The following CCDC50 variants were observed in gnomAD, a reference collection of about 807,000 sequenced individuals.
CCDC50 encodes the protein coiled-coil domain containing 50, also known as coiled-coil domain-containing protein 50.
Under a neutral mutation model 70.2 loss-of-function variants are expected in CCDC50, and 54 were observed. That is an observed-to-expected ratio of 0.77 (90% CI 0.62 to 0.96). The LOEUF (loss-of-function observed/expected upper bound fraction) is 0.96, where lower values mean the gene tolerates loss of function less well. Among genes scored for constraint, CCDC50 ranks in the 50% least tolerant of loss-of-function variants. CCDC50 has a pLI of 0.00. For missense variants in CCDC50, 558 were observed against 578.7 expected (o/e 0.96, Z 0.37); for synonymous variants, 216 against 198.8 (o/e 1.09, Z -0.73).
chr3:191,338,355 T>C (rs1216474597), intron 1 of CCDC50, among the ~76,000 whole-genome samples: 1 of 152,170 alleles, frequency 6.6e-6, no homozygotes, highest in Non-Finnish European at 1.5e-5. Flanking sequence ...AAAGACTCTT[T>C]TTGTCTAGAT....
rs1323653435 is a variant in CCDC50, at chr3:191,392,893, A to C, written c.*1133A>C. The stretch of plus-strand genomic sequence containing the variant: ...GCTGGAATTACAGGCATGTGTCACC[A>C]CACCCGGCTAATTTTTGTATTTTTA... On this transcript the variant is annotated 3_prime_UTR_variant, in exon 12 of 12. Transcript: ENST00000392455. 1.3e-5 allele frequency: 2 copies of C among 152,226 alleles called. No individual in the cohort carries two copies. The highest frequency in any genetic ancestry group is 2.9e-5 in the Non-Finnish European group (2 of 68,108). The allele number at this position is 152,226 out of a possible 1,614,324, so 9.4% of individuals were successfully genotyped here. A position where few individuals can be genotyped will look rare whatever the true frequency, so the allele number is the denominator to read the frequency against.
intron 6 of CCDC50, among the ~76,000 whole-genome samples, chr3:191,378,459 G>T (rs952912517): frequency 6.6e-6 from 1 of 152,100 alleles, no homozygotes; most frequent in Non-Finnish European, 1.5e-5. Context: ...ACATCCCACT[G>T]TATTATTTCA....
At chr3:191,351,198 C>G (rs1016131658) in intron 1 of CCDC50, among the ~76,000 whole-genome samples, 1 of 141,860 alleles carries the variant, frequency 7.0e-6, no homozygotes, top group Non-Finnish European at 1.6e-5. Flanking sequence ...ATCTGAAATA[C>G]GTTTTATGAA....
intron 1 of CCDC50, among the ~76,000 whole-genome samples, chr3:191,334,532 C>G (rs1718082153): frequency 6.6e-6 from 1 of 152,090 alleles, no homozygotes; most frequent in South Asian, 2.1e-4. Context: ...ATGAAAATCC[C>G]AGGGTCAGGG....
At position 191,394,579 on chromosome 3, in the gene CCDC50, T is replaced by G. The variant is rs1713801310; in HGVS notation, c.*2819T>G. 1 of 152,196 alleles carries G rather than the reference T, an allele frequency of 6.6e-6. No individual in the cohort carries two copies. Among genetic ancestry groups the G allele is most frequent in the Non-Finnish European group, 1.5e-5 (1 of 68,012 alleles). The allele number at this position is 152,196 out of a possible 1,614,324, so 9.4% of individuals were successfully genotyped here. A position where few individuals can be genotyped will look rare whatever the true frequency, so the allele number is the denominator to read the frequency against. On this transcript the variant is annotated 3_prime_UTR_variant, in exon 12 of 12. Transcript: ENST00000392455. The stretch of plus-strand genomic sequence containing the variant: ...GTGATGTAAACTAATACTTCTGGCC[T>G]GGGAAAACCTTTCTGTTTCTGTATC...
chr3:191,380,077 T>A, intron 6 of CCDC50, 82 bp from the exon 7 acceptor site: 1 of 837,880 alleles, frequency 1.2e-6, no homozygotes, highest in East Asian at 2.7e-5. Context: ...TAAAGAAAAA[T>A]CTCCTTTATC....
chr3:191,375,020 A>C lies in CCDC50; in HGVS notation c.449-42A>C, dbSNP rs780103362. 59 of 1,597,954 alleles carry C rather than the reference A, an allele frequency of 3.7e-5. No homozygotes were observed. In the African/African-American group the frequency reaches 7.4e-4, roughly 20 times the overall value. ...GTGAGTTCATAACTCTCATTAAATT[A>C]ATCTGCATTTTTATTTTTCACATCC... On this transcript the variant is annotated intron_variant, in intron 5 of 11. Transcript: ENST00000392455.
chr3:191,370,338 A>G (rs1024869367), intron 5 of CCDC50: 1 of 348,152 alleles, frequency 2.9e-6, no homozygotes, highest in South Asian at 2.2e-5. Context: ...AACATTAGGT[A>G]TATCGCCTAA....
chr3:191,358,027 C>T lies in CCDC50; in HGVS notation c.142C>T (p.Arg48Trp). 1.9e-6 allele frequency: 3 copies of T among 1,613,978 alleles called. No homozygotes were observed. Among genetic ancestry groups the T allele is most frequent in the Non-Finnish European group, 2.5e-6 (3 of 1,179,882 alleles). Residue 48 changes from arginine to tryptophan, a missense_variant, in exon 3 of 12, where the codon CGG becomes TGG. Arg to Trp is a moderately radical substitution (Grantham distance 101, BLOSUM62 -3). Transcript: ENST00000392455. ...GCATCATTTGGCATCGAACGTTCAG[C>T]GGAACCGTTTGGTCCAGCATGATCT... ...IEHHLASNVQ[R>W]NRLVQHDLQV... is the part of the protein sequence containing the mutation.
At chr3:191,380,959 A>G (rs765824309) in intron 9 of CCDC50, 27 bp downstream of exon 9, 1 of 1,570,376 alleles carries the variant, frequency 6.4e-7, no homozygotes, top group Non-Finnish European at 8.7e-7. Context: ...TTGTTTTCTA[A>G]TTAGAAATAA....
intron 1 of CCDC50, among the ~76,000 whole-genome samples, chr3:191,342,802 T>C (rs1451017933): frequency 4.6e-5 from 7 of 152,358 alleles, no homozygotes; most frequent in Non-Finnish European, 8.8e-5. Context: ...TATCTGGATA[T>C]GCTTTGTGAA....
intron 1 of CCDC50, among the ~76,000 whole-genome samples, chr3:191,353,851 ATC>A (rs879488007): frequency 5.1e-5 from 5 of 98,332 alleles, no homozygotes; most frequent in Non-Finnish European, 1.3e-4. Context: ...CTTCCTCATA[ATC>A]ATTGAAAATC....
chr3:191,390,299 A>G (rs1023002238), intron 11 of CCDC50, among the ~76,000 whole-genome samples: 1 of 152,134 alleles, frequency 6.6e-6, no homozygotes, highest in Non-Finnish European at 1.5e-5. Context: ...ACTGTTATGC[A>G]AAAGAAAAAT....
intron 6 of CCDC50, 42 bp from the exon 7 acceptor site, chr3:191,380,117 C>T (rs758635697): frequency 1.6e-6 from 2 of 1,243,670 alleles, no homozygotes; most frequent in Admixed American, 4.0e-5. Flanking sequence ...AGAAAACATC[C>T]TCGGTTGTTT....
At chr3:191,336,679 C>G (rs1413777317) in intron 1 of CCDC50, among the ~76,000 whole-genome samples, 1 of 152,072 alleles carries the variant, frequency 6.6e-6, no homozygotes, top group African/African-American at 2.4e-5. Flanking sequence ...AGCTAAATCT[C>G]TTAGAGATGG....
intron 1 of CCDC50, chr3:191,330,326 C>CAG (rs58011669): frequency 2.7e-3 from 399 of 147,774 alleles, no homozygotes; most frequent in East Asian, 6.6e-3. Flanking sequence ...CACACACACA[C>CAG]ACAATAGTGA....
chr3:191,357,940 A>G, intron 2 of CCDC50, 58 bp from the exon 3 acceptor site: 1 of 1,609,196 alleles, frequency 6.2e-7, no homozygotes, highest in Non-Finnish European at 8.5e-7. Flanking sequence ...TTATTATGGC[A>G]TTTATTACTA....
At position 191,369,922 on chromosome 3, in the gene CCDC50, A is replaced by C; in HGVS notation, c.334A>C (p.Ile112Leu). 1 of 1,609,058 alleles carries C rather than the reference A, an allele frequency of 6.2e-7. No individual in the cohort carries two copies. The stretch of plus-strand genomic sequence containing the variant: ...CATTCTCCTCTTGTCTTTGCAGGAC[A>C]TAGCTCGCCTTTTGCAAGAAAAGGA... ...RRIQEKKDED[I>L]ARLLQEKELQ... The change falls in exon 5 of 12, where the codon ATA (isoleucine) becomes CTA (leucine). Residue 112 changes from isoleucine to leucine, a missense_variant. By Grantham distance (5) the Ile-to-Leu change is conservative. Transcript: ENST00000392455.
rs181672504 is a variant in CCDC50 at position 191,351,128 on chromosome 3, T to C, written c.50-5960T>C. ...TCTTTGAAACAGTCTTTAAAAAGAA[T>C]ATTTTGTTTCTGAGTGAGAAGGAGA... On this transcript the variant is annotated intron_variant, in intron 1 of 11. Coordinates refer to ENST00000392455, the MANE Select transcript of CCDC50 (RefSeq NM_178335.3). 1.8e-3 allele frequency among the ~76,000 whole-genome samples: 252 copies of C among 142,258 alleles called. 23 individuals are homozygous for C. Among genetic ancestry groups the C allele is most frequent in the African/African-American group, 6.1e-3 (242 of 39,960 alleles). The allele number at this position is 142,258 out of a possible 152,430, so 93.3% of individuals were successfully genotyped here.
Sources: gnomAD v4.1 joint callset for allele counts (sites outside exome capture counted in the v4.1 genomes callset) on GRCh38, gnomAD v4.1.1 for gene constraint, MANE v1.5 for transcripts, NCBI Gene and HGNC (gene_info 2026-07-23, HGNC 2026-07-21) for gene names.